Variants in CDH13 observed in about 807,000 individuals in gnomAD.
The protein encoded by CDH13 is cadherin-13.
CDH13 carries 24 observed loss-of-function variants against 63.8 expected under a neutral mutation model. That is an observed-to-expected ratio of 0.38 (90% confidence interval 0.27 to 0.53). The LOEUF is 0.53. CDH13 is among the 20% of genes least tolerant of loss of function. The pLI, the probability that CDH13 is intolerant of heterozygous loss-of-function variation, is 0.85. For synonymous variants in CDH13, 503 were observed against 355.3 expected, an observed-to-expected ratio of 1.42 and a Z score of -4.67; for missense variants, 1,049 against 903.1, an observed-to-expected ratio of 1.16 and a Z score of -2.07.
intron 7 of CDH13, among the ~76,000 whole-genome samples, chr16:83,594,546 A>G (rs1907074909): frequency 6.6e-6 from 1 of 152,216 alleles, no homozygotes. Flanking sequence ...ATTCACCTGG[A>G]GCAAGAACTA....
intron 1 of CDH13, among the ~76,000 whole-genome samples, chr16:82,725,810 C>A (rs2033064133): frequency 6.6e-6 from 1 of 152,188 alleles, no homozygotes; most frequent in African/African-American, 2.4e-5. Flanking sequence ...TTACTTATTA[C>A]CAGGTTATTT....
chr16:82,842,100 A>ATATATATATG (rs1567590225), intron 1 of CDH13, among the ~76,000 whole-genome samples: 10 of 33,436 alleles, frequency 3.0e-4, no homozygotes, highest in African/African-American at 1.1e-3. Context: ...ACATATATAT[A>ATATATATATG]TATATATATA....
intron 2 of CDH13, among the ~76,000 whole-genome samples, chr16:82,958,092 C>T (rs1427501124): frequency 1.3e-5 from 2 of 152,174 alleles, no homozygotes; most frequent in Non-Finnish European, 2.9e-5. Flanking sequence ...TAACTAAGTA[C>T]TCAGAGTCTG....
intron 3 of CDH13, among the ~76,000 whole-genome samples, chr16:83,097,465 T>A (rs944047916): frequency 6.6e-6 from 1 of 152,158 alleles, no homozygotes; most frequent in Non-Finnish European, 1.5e-5. Context: ...ATGATCAAAG[T>A]CTATAAAATA....
intron 5 of CDH13, among the ~76,000 whole-genome samples, chr16:83,261,056 G>C (rs1191077696): frequency 6.6e-6 from 1 of 152,002 alleles, no homozygotes; most frequent in African/African-American, 2.4e-5. Flanking sequence ...ACATTTCAGG[G>C]AAAGGATTTA....
chr16:82,688,562 C>T (rs1167542970), intron 1 of CDH13, among the ~76,000 whole-genome samples: 2 of 152,186 alleles, frequency 1.3e-5, no homozygotes, highest in African/African-American at 2.4e-5. Flanking sequence ...AAAACATCAA[C>T]TATGACAACA....
At position 82,900,997 on chromosome 16, in the gene CDH13, G is replaced by T. The variant is rs116620524; in HGVS notation, c.157+42524G>T. On this transcript the variant is annotated intron_variant, in intron 2 of 13. Transcript: ENST00000567109. ...ATGATCCAGGAGCCCAGAATGCCAA[G>T]GGAAGTTTCTAGGTTCTTGGAGATC... is the stretch of plus-strand genomic sequence containing the variant. 7.4e-3 allele frequency among the ~76,000 whole-genome samples: 1,126 copies of T among 152,180 alleles called. 26 individuals carry two copies. The highest frequency in any genetic ancestry group is 0.026 in the African/African-American group (1,090 of 41,500).
chr16:83,350,025 G>C (rs1223230730), intron 6 of CDH13, among the ~76,000 whole-genome samples: 1 of 152,188 alleles, frequency 6.6e-6, no homozygotes, highest in Non-Finnish European at 1.5e-5. Flanking sequence ...CAGGTAGCTA[G>C]AATATCTACT....
intron 1 of CDH13, among the ~76,000 whole-genome samples, chr16:82,760,350 T>C (rs1172518212): frequency 6.6e-6 from 1 of 152,138 alleles, no homozygotes; most frequent in East Asian, 1.9e-4. Context: ...GCATTGGGCT[T>C]AGGAAGTGGC....
chr16:83,150,993 A>G (rs1054010337), intron 4 of CDH13, among the ~76,000 whole-genome samples: 12 of 152,160 alleles, frequency 7.9e-5, no homozygotes, highest in African/African-American at 2.9e-4. Flanking sequence ...GTGATCATAT[A>G]TTATTCATCT....
chr16:82,639,321 A>C, intron 1 of CDH13: 1 of 1,442,686 alleles, frequency 6.9e-7, no homozygotes, highest in Non-Finnish European at 9.4e-7. Context: ...GCCCGGGGTC[A>C]TTTGTGTTCT....
At chr16:82,904,351 G>C (rs1244591225) in intron 2 of CDH13, among the ~76,000 whole-genome samples, 2 of 152,146 alleles carry the variant, frequency 1.3e-5, no homozygotes, top group Non-Finnish European at 2.9e-5. Flanking sequence ...TTTCTATTTA[G>C]TCTCTCATTT....
At chr16:82,889,139 T>C (rs1242366223) in intron 2 of CDH13, among the ~76,000 whole-genome samples, 1 of 152,240 alleles carries the variant, frequency 6.6e-6, no homozygotes, top group Admixed American at 6.5e-5. Context: ...CAGAAAATCA[T>C]TCTCACAGAA....
chr16:83,605,002 A>T (rs77877918), intron 8 of CDH13, among the ~76,000 whole-genome samples: 2,444 of 152,338 alleles, frequency 0.016, 60 homozygotes, highest in African/African-American at 0.056. Context: ...CCACAATATC[A>T]TATTGATTTC....
intron 13 of CDH13, 81 bp from the exon 14 acceptor site, chr16:83,794,942 G>A: frequency 7.6e-7 from 1 of 1,315,836 alleles, no homozygotes. Flanking sequence ...TACCTTGCCT[G>A]TCATTTTTCT....
chr16:83,752,726 C>G (rs1913186370), intron 11 of CDH13, among the ~76,000 whole-genome samples: 1 of 152,186 alleles, frequency 6.6e-6, no homozygotes, highest in Non-Finnish European at 1.5e-5. Flanking sequence ...GACTGTGAGT[C>G]TCATTTTCTA....
chr16:83,528,311 T>G (rs1311084308), intron 7 of CDH13, among the ~76,000 whole-genome samples: 1 of 152,202 alleles, frequency 6.6e-6, no homozygotes, highest in African/African-American at 2.4e-5. Flanking sequence ...AATGGGAAAC[T>G]GTATTTAGAG....
In CDH13 at chr16:83,161,674, G is replaced by T. The variant is rs7200963; in HGVS notation, c.483+36173G>T. ...CTGTGCATGGATTTGCATATTTATAGAGTTAAAGAATCACCCACCATGGTT... is the reference window on the plus strand; with the variant it reads ...CTGTGCATGGATTTGCATATTTATATAGTTAAAGAATCACCCACCATGGTT... On this transcript the variant is annotated intron_variant, in intron 4 of 13. Coordinates refer to ENST00000567109, the MANE Select transcript of CDH13 (RefSeq NM_001257.5). Among the ~76,000 whole-genome samples, 1,441 of 152,074 alleles carry T rather than the reference G, an allele frequency of 9.5e-3. 21 individuals carry two copies. Among genetic ancestry groups the T allele is most frequent in the African/African-American group, 0.033 (1,374 of 41,476 alleles).
In CDH13 at chr16:82,658,162, C is replaced by A. The variant is rs531939439; in HGVS notation, c.45+31025C>A. 6.6e-5 allele frequency among the ~76,000 whole-genome samples: 10 copies of A among 152,310 alleles called. No homozygotes were observed. In the South Asian group the frequency reaches 1.7e-3, roughly 25 times the overall value. ...CTTTTTCTGCATCTATTGATATGTG[C>A]ATGTGATATCTATTGATATGTGCAT... On this transcript the variant is annotated intron_variant, in intron 1 of 13. Coordinates refer to ENST00000567109, the MANE Select transcript of CDH13 (RefSeq NM_001257.5).
Sources: gnomAD v4.1 joint callset for allele counts (sites outside exome capture counted in the v4.1 genomes callset) on GRCh38, gnomAD v4.1.1 for gene constraint, MANE v1.5 for transcripts, NCBI Gene and HGNC (gene_info 2026-07-23, HGNC 2026-07-21) for gene names.